DLGAP2: variants seen among roughly 807,000 people sequenced by gnomAD.
The protein encoded by DLGAP2 is DLG associated protein 2.
Under a neutral mutation model 100.3 loss-of-function variants are expected in DLGAP2, and 26 were observed. The observed-to-expected ratio is 0.26, with a 90% CI of 0.19 to 0.36. The LOEUF is 0.36. Ranked by LOEUF, DLGAP2 falls within the 10% of genes least tolerant of loss-of-function variation. DLGAP2 has a pLI of 1.00. For missense variants in DLGAP2, 1,858 were observed against 1,453.2 expected, an observed-to-expected ratio of 1.28 and a Z score of -4.53; for synonymous variants, 886 against 630.1, an observed-to-expected ratio of 1.41 and a Z score of -6.08.
At chr8:1,692,863 T>C (rs927310939) in intron 13 of DLGAP2, among the ~76,000 whole-genome samples, 1 of 149,904 alleles carries the variant, frequency 6.7e-6, no homozygotes, top group Non-Finnish European at 1.5e-5. Context: ...CTTACATATA[T>C]ACATGTTAAT....
At chr8:1,693,546 G>A (rs144799672) in intron 13 of DLGAP2, among the ~76,000 whole-genome samples, 10 of 152,248 alleles carry the variant, frequency 6.6e-5, no homozygotes, top group East Asian at 1.9e-4. Context: ...TAGGCCTCGC[G>A]TAGCAATGGT....
At chr8:1,431,937 C>T (rs1024621207) in intron 3 of DLGAP2, among the ~76,000 whole-genome samples, 1 of 150,644 alleles carries the variant, frequency 6.6e-6, no homozygotes, top group South Asian at 2.1e-4. Flanking sequence ...CGGCACCCAG[C>T]ACCCCATGCC....
intron 2 of DLGAP2, among the ~76,000 whole-genome samples, chr8:912,073 T>C (rs1449261473): frequency 6.6e-6 from 1 of 152,216 alleles, no homozygotes; most frequent in Non-Finnish European, 1.5e-5. Flanking sequence ...ACAGCCTTTA[T>C]CCTGAGTTTT....
At chr8:1,647,759 A>G (rs1418939073) in intron 8 of DLGAP2, among the ~76,000 whole-genome samples, 4 of 152,154 alleles carry the variant, frequency 2.6e-5, no homozygotes, top group Non-Finnish European at 5.9e-5. Flanking sequence ...CGGCTGCTAT[A>G]AGGAAGCGTC....
At chr8:1,224,890 C>A (rs1261826064) in intron 2 of DLGAP2, among the ~76,000 whole-genome samples, 1 of 152,172 alleles carries the variant, frequency 6.6e-6, no homozygotes, top group Non-Finnish European at 1.5e-5. Context: ...GAACTGCTCC[C>A]CCACATCTGC....
intron 3 of DLGAP2, among the ~76,000 whole-genome samples, chr8:1,361,619 C>T (rs1022772186): frequency 2.6e-5 from 4 of 152,242 alleles, no homozygotes; most frequent in East Asian, 1.9e-4. Context: ...CTCACTGCAT[C>T]GTTTAAACGG....
chr8:1,458,157 C>A (rs188600700), intron 3 of DLGAP2, among the ~76,000 whole-genome samples: 18 of 151,568 alleles, frequency 1.2e-4, no homozygotes, highest in Non-Finnish European at 1.5e-5. Flanking sequence ...CCACCCGCCT[C>A]GGCCTCCCAA....
intron 2 of DLGAP2, among the ~76,000 whole-genome samples, chr8:950,241 A>C (rs1232572959): frequency 6.6e-6 from 1 of 152,182 alleles, no homozygotes; most frequent in Non-Finnish European, 1.5e-5. Flanking sequence ...ATAACATGGT[A>C]CCAAAAATCA....
At chr8:1,527,716 G>A (rs1051943085) in intron 4 of DLGAP2, among the ~76,000 whole-genome samples, 20 of 152,158 alleles carry the variant, frequency 1.3e-4, no homozygotes, top group African/African-American at 4.3e-4. Context: ...CATGCACGGC[G>A]TAACTGGGGC....
At chr8:1,582,248 C>CCTTTA (rs1803307001) in intron 6 of DLGAP2, among the ~76,000 whole-genome samples, 1 of 114,362 alleles carries the variant, frequency 8.7e-6, no homozygotes, top group African/African-American at 4.4e-5. Flanking sequence ...AGGATACAGA[C>CCTTTA]AAGCCCCACA....
chr8:885,251 T>G (rs141491521), intron 1 of DLGAP2, among the ~76,000 whole-genome samples: 1 of 152,372 alleles, frequency 6.6e-6, no homozygotes, highest in East Asian at 1.9e-4. Flanking sequence ...ATTCTTCCTA[T>G]CCATGAGGAT....
At chr8:1,181,548 T>C (rs2039487706) in intron 2 of DLGAP2, among the ~76,000 whole-genome samples, 1 of 149,142 alleles carries the variant, frequency 6.7e-6, no homozygotes, top group Admixed American at 6.7e-5. Context: ...GGGTTGAGGG[T>C]GGGAGAAGGG....
intron 4 of DLGAP2, among the ~76,000 whole-genome samples, chr8:1,517,428 C>A (rs1364735977): frequency 6.6e-6 from 1 of 152,146 alleles, no homozygotes; most frequent in African/African-American, 2.4e-5. Context: ...TCCTGCAACA[C>A]CTTACGTCTC....
intron 2 of DLGAP2, among the ~76,000 whole-genome samples, chr8:915,313 C>T (rs543042753): frequency 1.3e-5 from 2 of 152,210 alleles, no homozygotes; most frequent in African/African-American, 2.4e-5. Context: ...TTTGGGAGGC[C>T]GAGGTGGGTG....
intron 1 of DLGAP2, among the ~76,000 whole-genome samples, chr8:759,199 C>T (rs1821007623): frequency 7.4e-6 from 1 of 135,978 alleles, no homozygotes; most frequent in African/African-American, 2.7e-5. Context: ...ACAGCCTTCC[C>T]ATTATCAATA....
intron 1 of DLGAP2, among the ~76,000 whole-genome samples, chr8:893,391 T>C (rs1798076554): frequency 6.6e-6 from 1 of 152,354 alleles, no homozygotes; most frequent in East Asian, 1.9e-4. Context: ...TGCCCTGTGA[T>C]TCATCTAACT....
intron 2 of DLGAP2, chr8:1,250,487 G>A (rs556805116): frequency 5.3e-4 from 81 of 152,310 alleles, no homozygotes; most frequent in African/African-American, 1.9e-3. Flanking sequence ...GGGAGTGAAT[G>A]AATGTCTTCT....
At chr8:897,832 G>T (rs558215494) in intron 1 of DLGAP2, among the ~76,000 whole-genome samples, 458 of 152,258 alleles carry the variant, frequency 3.0e-3, no homozygotes, top group Middle Eastern at 0.014. Flanking sequence ...GGTGCTCTCC[G>T]TGCGGGGTTG....
intron 1 of DLGAP2, chr8:738,817 AG>A (rs1029058846): frequency 6.6e-6 from 1 of 152,266 alleles, no homozygotes; most frequent in Non-Finnish European, 1.5e-5. Flanking sequence ...GAGGAGAGAT[AG>A]CTGGGCGAGG....
Sources: allele counts gnomAD v4.1 joint callset (sites outside exome capture counted in the v4.1 genomes callset), GRCh38; gene constraint gnomAD v4.1.1; transcripts MANE v1.5; gene names NCBI Gene and HGNC (gene_info 2026-07-23, HGNC 2026-07-21).